Variants in ARMC8 observed in about 807,000 individuals in gnomAD.
ARMC8 encodes the protein armadillo repeat containing 8, also known as armadillo repeat-containing protein 8.
A neutral mutation model predicts 99.3 loss-of-function variants in ARMC8; 20 were observed. The ratio of observed to expected loss-of-function variants is 0.20; its 90% CI spans 0.14 to 0.29. The LOEUF (loss-of-function observed/expected upper bound fraction) is 0.29. Among genes scored for constraint, ARMC8 ranks in the 10% least tolerant of loss-of-function variants. The pLI is 1.00. For synonymous variants in ARMC8, 263 were observed against 278.3 expected, an observed-to-expected ratio of 0.95 and a Z score of 0.55; for missense variants, 569 against 809.5, an observed-to-expected ratio of 0.70 and a Z score of 3.60.
intron 18 of ARMC8, among the ~76,000 whole-genome samples, chr3:138,280,146 T>A (rs2049740070): frequency 6.6e-6 from 1 of 152,068 alleles, no homozygotes; most frequent in Non-Finnish European, 1.5e-5. Context: ...TCAGCTGATC[T>A]GCCCACCTCG....
chr3:138,189,482 G>C (rs1305040385), intron 1 of ARMC8, among the ~76,000 whole-genome samples: 1 of 152,078 alleles, frequency 6.6e-6, no homozygotes, highest in Non-Finnish European at 1.5e-5. Flanking sequence ...ATGCAAACTA[G>C]AACAGGAAAC....
At chr3:138,274,232 CATGTGTGT>C (rs981987639) in intron 17 of ARMC8, among the ~76,000 whole-genome samples, 1 of 145,284 alleles carries the variant, frequency 6.9e-6, no homozygotes, top group African/African-American at 2.8e-5. Context: ...TGTGTATATA[CATGTGTGT>C]GTGTGTGTGT....
intron 1 of ARMC8, among the ~76,000 whole-genome samples, chr3:138,195,639 G>A (rs1285938371): frequency 6.6e-6 from 1 of 152,092 alleles, no homozygotes; most frequent in African/African-American, 2.4e-5. Flanking sequence ...TTTGGCATTT[G>A]TTTTGCAGTA....
rs1576645215 is a variant in ARMC8 at position 138,217,526 on chromosome 3, A to G, written c.123-4400A>G. On this transcript the variant is annotated intron_variant, in intron 2 of 21. Coordinates refer to ENST00000469044, the MANE Select transcript of ARMC8 (RefSeq NM_001363941.2). ...GCTGTGGTAGGCACTGTACATTTTAATATGCAAGCCCTTTTTCTCTGCCAC... is the reference window on the plus strand; with the variant it reads ...GCTGTGGTAGGCACTGTACATTTTAGTATGCAAGCCCTTTTTCTCTGCCAC... Among the ~76,000 whole-genome samples, 3 of 152,106 alleles carry G rather than the reference A, an allele frequency of 2.0e-5. No individual in the cohort carries two copies. In the South Asian group the frequency reaches 6.2e-4, roughly 32 times the overall value.
intron 1 of ARMC8, among the ~76,000 whole-genome samples, chr3:138,194,951 G>A (rs1411411603): frequency 6.6e-6 from 1 of 151,926 alleles, no homozygotes; most frequent in African/African-American, 2.4e-5. Flanking sequence ...ATAAGTACAG[G>A]GTATGTCAGT....
chr3:138,194,137 G>A (rs1250106310), intron 1 of ARMC8, among the ~76,000 whole-genome samples: 2 of 151,368 alleles, frequency 1.3e-5, no homozygotes, highest in African/African-American at 4.9e-5. Context: ...CCGCCTCCTG[G>A]GTTCATGCCA....
chr3:138,258,749 T>C (rs1330604662), intron 12 of ARMC8, among the ~76,000 whole-genome samples: 1 of 152,230 alleles, frequency 6.6e-6, no homozygotes, highest in East Asian at 1.9e-4. Context: ...ACACAATACC[T>C]GATCCATTGA....
intron 16 of ARMC8, among the ~76,000 whole-genome samples, chr3:138,270,714 G>A (rs544353535): frequency 9.8e-4 from 149 of 152,146 alleles, no homozygotes; most frequent in African/African-American, 3.3e-3. Flanking sequence ...TTAACTTGTC[G>A]AAGGTAATAA....
At chr3:138,235,424 A>G (rs1396605528) in intron 7 of ARMC8, among the ~76,000 whole-genome samples, 1 of 152,254 alleles carries the variant, frequency 6.6e-6, no homozygotes, top group African/African-American at 2.4e-5. Flanking sequence ...GGCTTTCTAT[A>G]TCAAGAAGGA....
At chr3:138,202,426 A>G (rs2044135389) in intron 1 of ARMC8, among the ~76,000 whole-genome samples, 1 of 152,210 alleles carries the variant, frequency 6.6e-6, no homozygotes, top group African/African-American at 2.4e-5. Flanking sequence ...GTATTTTTGA[A>G]TAATTTAACT....
At chr3:138,291,441 C>A (rs1001297043) in intron 21 of ARMC8, among the ~76,000 whole-genome samples, 2 of 152,236 alleles carry the variant, frequency 1.3e-5, no homozygotes, top group Admixed American at 6.5e-5. Flanking sequence ...CCCATTCATT[C>A]ATCAGATATC....
At chr3:138,273,402 C>T (rs918411340) in intron 17 of ARMC8, among the ~76,000 whole-genome samples, 3 of 152,162 alleles carry the variant, frequency 2.0e-5, no homozygotes, top group Non-Finnish European at 4.4e-5. Flanking sequence ...TGATTTGTTA[C>T]TTTTTTCTTA....
intron 1 of ARMC8, chr3:138,188,475 G>A: frequency 6.2e-7 from 1 of 1,613,216 alleles, no homozygotes; most frequent in Non-Finnish European, 8.5e-7. Flanking sequence ...GAAAGTTACT[G>A]GGAGATAACT....
chr3:138,241,909 GATC>G lies in ARMC8; in HGVS notation c.966_968del (p.His323del), dbSNP rs764640141. 1 of 1,614,052 alleles carries G rather than the reference GATC, an allele frequency of 6.2e-7. No individual in the cohort carries two copies. The highest frequency in any genetic ancestry group is 1.3e-5 in the African/African-American group (1 of 75,044). Reference sequence around the variant, plus strand: ...GCTACAGAGAATCGCTAGCATAACTGATCACCTCATTGCCATGCTTGCTGATTA... The same window carrying G: ...GCTACAGAGAATCGCTAGCATAACTGACCTCATTGCCATGCTTGCTGATTA... On this transcript the variant is annotated inframe_deletion, in exon 11 of 22. Coordinates refer to ENST00000469044, the MANE Select transcript of ARMC8 (RefSeq NM_001363941.2).
chr3:138,192,126 T>C (rs2043420335), intron 1 of ARMC8, among the ~76,000 whole-genome samples: 1 of 152,192 alleles, frequency 6.6e-6, no homozygotes, highest in Admixed American at 6.5e-5. Context: ...TATGAGACAT[T>C]GTTTCTCTGT....
At chr3:138,278,992 T>A (rs2049597359) in intron 18 of ARMC8, among the ~76,000 whole-genome samples, 1 of 152,152 alleles carries the variant, frequency 6.6e-6, no homozygotes, top group Non-Finnish European at 1.5e-5. Flanking sequence ...TAGCTTTATT[T>A]CTTACTTTCC....
At chr3:138,196,881 T>A (rs1263589862) in intron 1 of ARMC8, among the ~76,000 whole-genome samples, 2 of 152,124 alleles carry the variant, frequency 1.3e-5, no homozygotes, top group Non-Finnish European at 2.9e-5. Flanking sequence ...AAAAATTTTT[T>A]TTTAAGTCAT....
chr3:138,195,099 A>G (rs769581521), intron 1 of ARMC8, among the ~76,000 whole-genome samples: 1 of 151,842 alleles, frequency 6.6e-6, no homozygotes, highest in Non-Finnish European at 1.5e-5. Flanking sequence ...ACATGGTGAA[A>G]CCCCGTCTCT....
At chr3:138,251,766 A>T (rs1471958885) in intron 12 of ARMC8, among the ~76,000 whole-genome samples, 8 of 152,350 alleles carry the variant, frequency 5.3e-5, no homozygotes, top group African/African-American at 1.9e-4. Context: ...TTTTTATTTC[A>T]TAGTTTCATT....
Sources: allele counts gnomAD v4.1 joint callset (sites outside exome capture counted in the v4.1 genomes callset), GRCh38; gene constraint gnomAD v4.1.1; transcripts MANE v1.5; gene names NCBI Gene and HGNC (gene_info 2026-07-23, HGNC 2026-07-21).